FBXL7: variants seen among roughly 807,000 people sequenced by gnomAD.
FBXL7 encodes F-box/LRR-repeat protein 7.
In FBXL7, 12 loss-of-function variants were observed where a neutral mutation model predicts 38.3. The ratio of observed to expected loss-of-function variants is 0.31; its 90% CI spans 0.20 to 0.51. The LOEUF (loss-of-function observed/expected upper bound fraction) is 0.51. Among genes scored for constraint, FBXL7 ranks in the 20% least tolerant of loss-of-function variants. The pLI is 0.98. For synonymous variants in FBXL7, 297 were observed against 300.9 expected, an observed-to-expected ratio of 0.99 and a Z score of 0.13; for missense variants, 567 against 676.4, an observed-to-expected ratio of 0.84 and a Z score of 1.79.
intron 2 of FBXL7, among the ~76,000 whole-genome samples, chr5:15,913,458 C>T (rs532032324): frequency 7.2e-5 from 11 of 152,024 alleles, no homozygotes; most frequent in South Asian, 6.2e-4. Context: ...TTTACATGGT[C>T]GTAAGTTTAG....
chr5:15,531,735 G>C (rs552596288), intron 1 of FBXL7, among the ~76,000 whole-genome samples: 1 of 152,274 alleles, frequency 6.6e-6, no homozygotes, highest in Middle Eastern at 3.4e-3. Flanking sequence ...TACACATTCA[G>C]CTTAGTCATA....
intron 2 of FBXL7, among the ~76,000 whole-genome samples, chr5:15,658,987 G>A (rs1449575035): frequency 6.6e-6 from 1 of 152,092 alleles, no homozygotes; most frequent in African/African-American, 2.4e-5. Flanking sequence ...TCTTGCCACT[G>A]CCATGTGAAG....
intron 1 of FBXL7, among the ~76,000 whole-genome samples, chr5:15,578,224 A>G (rs376063995): frequency 1.3e-5 from 2 of 152,336 alleles, no homozygotes; most frequent in Non-Finnish European, 2.9e-5. Flanking sequence ...GCCAAAAACA[A>G]TCTTATACAA....
At chr5:15,650,627 A>G (rs1741676130) in intron 2 of FBXL7, among the ~76,000 whole-genome samples, 1 of 152,230 alleles carries the variant, frequency 6.6e-6, no homozygotes, top group Admixed American at 6.5e-5. Context: ...ATTGTAGTCA[A>G]TCCTCTTGAA....
chr5:15,532,209 A>G (rs1210218437), intron 1 of FBXL7, among the ~76,000 whole-genome samples: 1 of 152,230 alleles, frequency 6.6e-6, no homozygotes, highest in African/African-American at 2.4e-5. Flanking sequence ...GCTATTTCTC[A>G]TACACACTAG....
chr5:15,725,825 A>G (rs1361532245), intron 2 of FBXL7, among the ~76,000 whole-genome samples: 1 of 152,102 alleles, frequency 6.6e-6, no homozygotes, highest in Non-Finnish European at 1.5e-5. Context: ...TTTAGTAGAG[A>G]CAGGGTTTCA....
chr5:15,613,256 A>C (rs1038456413), intron 1 of FBXL7, among the ~76,000 whole-genome samples: 1 of 152,194 alleles, frequency 6.6e-6, no homozygotes, highest in Admixed American at 6.5e-5. Context: ...AGATACAGAC[A>C]CTAGGCCTGC....
intron 2 of FBXL7, among the ~76,000 whole-genome samples, chr5:15,892,025 T>C (rs1740923614): frequency 6.6e-6 from 1 of 152,234 alleles, no homozygotes; most frequent in Non-Finnish European, 1.5e-5. Flanking sequence ...TGCCTCCTCC[T>C]GCTCACCAGC....
At chr5:15,878,404 TC>T (rs1561168834) in intron 2 of FBXL7, among the ~76,000 whole-genome samples, 1 of 152,074 alleles carries the variant, frequency 6.6e-6, no homozygotes, top group African/African-American at 2.4e-5. Context: ...ATGGCTTCTT[TC>T]CCCCCAAGTC....
chr5:15,502,505 CT>C (rs1736523906), intron 1 of FBXL7, among the ~76,000 whole-genome samples: 1 of 152,162 alleles, frequency 6.6e-6, no homozygotes, highest in Admixed American at 6.5e-5. Context: ...GCACTGTGGA[CT>C]TTTTATAGGA....
chr5:15,559,696 C>G (rs1738354379), intron 1 of FBXL7, among the ~76,000 whole-genome samples: 1 of 151,978 alleles, frequency 6.6e-6, no homozygotes, highest in Non-Finnish European at 1.5e-5. Flanking sequence ...GTAAAACAAA[C>G]AAAAAAGAAG....
chr5:15,644,304 CAAAAAAAA>C (rs369213583), intron 2 of FBXL7, among the ~76,000 whole-genome samples: 1 of 94,812 alleles, frequency 1.1e-5, no homozygotes, highest in East Asian at 4.1e-4. Flanking sequence ...ACTAAAAATC[CAAAAAAAA>C]AAAAAAAAAA....
intron 1 of FBXL7, among the ~76,000 whole-genome samples, chr5:15,532,481 A>G (rs564578601): frequency 2.7e-4 from 41 of 152,326 alleles, no homozygotes; most frequent in African/African-American, 9.9e-4. Context: ...CTGATGGACA[A>G]ATTATTGTCT....
At chr5:15,647,052 A>C (rs1174241284) in intron 2 of FBXL7, among the ~76,000 whole-genome samples, 1 of 152,206 alleles carries the variant, frequency 6.6e-6, no homozygotes, top group Non-Finnish European at 1.5e-5. Flanking sequence ...AAGCCTAGGG[A>C]CTGTGGAACT....
chr5:15,582,442 C>G (rs537115977), intron 1 of FBXL7, among the ~76,000 whole-genome samples: 1 of 152,294 alleles, frequency 6.6e-6, no homozygotes, highest in East Asian at 1.9e-4. Flanking sequence ...TATGTTCATA[C>G]AAGGGTAACT....
At chr5:15,762,296 G>A (rs1269498425) in intron 2 of FBXL7, among the ~76,000 whole-genome samples, 1 of 152,156 alleles carries the variant, frequency 6.6e-6, no homozygotes, top group East Asian at 1.9e-4. Context: ...CTAGCAAGAC[G>A]GAAGTTATAG....
At chr5:15,514,697 G>T (rs1736887097) in intron 1 of FBXL7, among the ~76,000 whole-genome samples, 1 of 152,152 alleles carries the variant, frequency 6.6e-6, no homozygotes, top group South Asian at 2.1e-4. Context: ...TAGAGTGGCT[G>T]CCCTACTCGT....
At chr5:15,927,067 G>A (rs374900065) in intron 2 of FBXL7, among the ~76,000 whole-genome samples, 1 of 151,794 alleles carries the variant, frequency 6.6e-6, no homozygotes, top group Non-Finnish European at 1.5e-5. Context: ...GTGCCCTACC[G>A]TAATCCCCGT....
chr5:15,544,343 A>C (rs1737840855), intron 1 of FBXL7, among the ~76,000 whole-genome samples: 1 of 152,238 alleles, frequency 6.6e-6, no homozygotes, highest in South Asian at 2.1e-4. Context: ...CCCTTGTTTC[A>C]GTACGTCAAG....
Sources: gnomAD v4.1 joint callset for allele counts (sites outside exome capture counted in the v4.1 genomes callset) on GRCh38, gnomAD v4.1.1 for gene constraint, MANE v1.5 for transcripts, NCBI Gene and HGNC (gene_info 2026-07-23, HGNC 2026-07-21) for gene names.